Variants in PDE3B observed in about 807,000 individuals in gnomAD.
The protein encoded by PDE3B is cGMP-inhibited 3',5'-cyclic phosphodiesterase 3B.
A neutral mutation model predicts 116.8 loss-of-function variants in PDE3B; 66 were observed. That is an observed-to-expected ratio of 0.56 (90% CI 0.46 to 0.69). The LOEUF is 0.69. Among genes scored for constraint, PDE3B ranks in the 30% least tolerant of loss-of-function variants. The pLI, the probability that PDE3B is intolerant of heterozygous loss-of-function variation, is 0.00. For synonymous variants in PDE3B, 595 were observed against 533.6 expected, an observed-to-expected ratio of 1.12 and a Z score of -1.59; for missense variants, 1,384 against 1,368.1, an observed-to-expected ratio of 1.01 and a Z score of -0.18.
chr11:14,853,012 T>C (rs1847783813), intron 12 of PDE3B, among the ~76,000 whole-genome samples: 1 of 104,828 alleles, frequency 9.5e-6, no homozygotes, highest in South Asian at 3.0e-4. Context: ...TCTCTCTCTC[T>C]TTTTTTTTTT....
At chr11:14,686,226 TC>T in intron 1 of PDE3B, among the ~76,000 whole-genome samples, 1 of 152,334 alleles carries the variant, frequency 6.6e-6, no homozygotes, top group East Asian at 1.9e-4. Context: ...ACACAAGTCT[TC>T]CATTCGAATT....
chr11:14,665,659 C>A (rs1198892079), intron 1 of PDE3B, among the ~76,000 whole-genome samples: 1 of 152,078 alleles, frequency 6.6e-6, no homozygotes, highest in Non-Finnish European at 1.5e-5. Flanking sequence ...GAGTGAACTC[C>A]CATTCACAAT....
the PDE3B span, among the ~76,000 whole-genome samples, chr11:14,895,596 T>C: frequency 2.6e-5 from 4 of 152,182 alleles, no homozygotes; most frequent in Non-Finnish European, 5.9e-5. Context: ...TGGATTTTCA[T>C]TGTGCTCTTA....
At chr11:14,684,026 A>G (rs1854789870) in intron 1 of PDE3B, among the ~76,000 whole-genome samples, 2 of 152,206 alleles carry the variant, frequency 1.3e-5, no homozygotes, top group Non-Finnish European at 2.9e-5. Context: ...ATCAGAGAAC[A>G]TACTTTGTAT....
chr11:14,841,930 GGAA>G lies in PDE3B; in HGVS notation c.2321-1896_2321-1894del, dbSNP rs1313740106. On this transcript the variant is annotated intron_variant, in intron 11 of 15. Transcript: ENST00000282096. ...TTGCTCAAGATTGCTTTGGCTACTTGGAATGTTTTTGTGGTGCCATATGAATTT... is the reference window on the plus strand; with the variant it reads ...TTGCTCAAGATTGCTTTGGCTACTTGTGTTTTTGTGGTGCCATATGAATTT... Among the ~76,000 whole-genome samples the G allele has an allele frequency of 4.0e-3, 601 of 151,208 alleles. 3 individuals are homozygous for G. The highest frequency in any genetic ancestry group is 0.014 in the African/African-American group (574 of 41,152).
At chr11:14,755,696 A>G (rs1590117677) in intron 1 of PDE3B, among the ~76,000 whole-genome samples, 1 of 152,316 alleles carries the variant, frequency 6.6e-6, no homozygotes, top group Non-Finnish European at 1.5e-5. Context: ...GACCCACATT[A>G]CAAAACATTA....
At chr11:14,711,802 A>T (rs1287164457) in intron 1 of PDE3B, among the ~76,000 whole-genome samples, 1 of 152,196 alleles carries the variant, frequency 6.6e-6, no homozygotes, top group African/African-American at 2.4e-5. Context: ...TGCTGGTAAA[A>T]ACAGTATTTG....
At chr11:14,884,638 A>C in the PDE3B span, among the ~76,000 whole-genome samples, 1 of 152,066 alleles carries the variant, frequency 6.6e-6, no homozygotes, top group African/African-American at 2.4e-5. Context: ...ATATGTAACT[A>C]ACCTGCAAAT....
intron 2 of PDE3B, chr11:14,774,204 T>C (rs1320059404): frequency 6.6e-6 from 1 of 152,248 alleles, no homozygotes; most frequent in East Asian, 1.9e-4. Context: ...ATTTATATTT[T>C]ATTTCAGCTT....
intron 1 of PDE3B, among the ~76,000 whole-genome samples, chr11:14,708,863 G>A (rs1306751032): frequency 6.6e-6 from 1 of 151,940 alleles, no homozygotes; most frequent in East Asian, 1.9e-4. Flanking sequence ...TCTGGATAAA[G>A]GACATATAGG....
intron 1 of PDE3B, among the ~76,000 whole-genome samples, chr11:14,733,545 C>T (rs1856518778): frequency 6.6e-6 from 1 of 152,140 alleles, no homozygotes; most frequent in East Asian, 1.9e-4. Flanking sequence ...ATTACATGTT[C>T]TTCAAGCTAG....
At chr11:14,847,402 T>C (rs984891068) in intron 12 of PDE3B, among the ~76,000 whole-genome samples, 1 of 151,190 alleles carries the variant, frequency 6.6e-6, no homozygotes. Context: ...AGATCCAGAA[T>C]TGACACCCTA....
chr11:14,691,907 A>G (rs1263354866), intron 1 of PDE3B, among the ~76,000 whole-genome samples: 1 of 152,190 alleles, frequency 6.6e-6, no homozygotes, highest in Non-Finnish European at 1.5e-5. Context: ...ACTAAGATCA[A>G]ATCATTTACA....
chr11:14,677,366 G>C (rs2133789447), intron 1 of PDE3B, among the ~76,000 whole-genome samples: 1 of 152,216 alleles, frequency 6.6e-6, no homozygotes, highest in South Asian at 2.1e-4. Flanking sequence ...CATGGCATAA[G>C]GTTAGGTAGC....
At chr11:14,759,019 A>T (rs931377550) in intron 1 of PDE3B, among the ~76,000 whole-genome samples, 1 of 151,988 alleles carries the variant, frequency 6.6e-6, no homozygotes, top group African/African-American at 2.4e-5. Flanking sequence ...GCATCTATTG[A>T]GATAGTCATG....
At chr11:14,844,071 T>G (rs1847533209) in intron 12 of PDE3B, 45 bp downstream of exon 12, 1 of 1,436,440 alleles carries the variant, frequency 7.0e-7, no homozygotes, top group Admixed American at 1.7e-5. Context: ...TTCTGAAATT[T>G]TCAGTCATGC....
intron 1 of PDE3B, among the ~76,000 whole-genome samples, chr11:14,672,811 A>G (rs1565085443): frequency 6.6e-6 from 1 of 152,124 alleles, no homozygotes; most frequent in Non-Finnish European, 1.5e-5. Flanking sequence ...AGTTGCATGT[A>G]TCATCTTGCT....
At chr11:14,650,544 A>G (rs1373301425) in intron 1 of PDE3B, among the ~76,000 whole-genome samples, 3 of 152,120 alleles carry the variant, frequency 2.0e-5, no homozygotes, top group African/African-American at 7.2e-5. Context: ...TGAGATGAAG[A>G]TATTATCCAG....
intron 1 of PDE3B, among the ~76,000 whole-genome samples, chr11:14,651,935 G>C (rs887815913): frequency 6.6e-6 from 1 of 152,118 alleles, no homozygotes; most frequent in African/African-American, 2.4e-5. Flanking sequence ...TGTATTGATA[G>C]TGTCCATTGA....
Sources: allele counts gnomAD v4.1 joint callset (sites outside exome capture counted in the v4.1 genomes callset), GRCh38; gene constraint gnomAD v4.1.1; transcripts MANE v1.5; gene names NCBI Gene and HGNC (gene_info 2026-07-23, HGNC 2026-07-21).